Variants in LOC128462377 observed in about 807,000 individuals in gnomAD.
the LOC128462377 span, among the ~76,000 whole-genome samples, chr16:89,326,015 G>C: frequency 3.3e-5 from 5 of 152,198 alleles, no homozygotes; most frequent in African/African-American, 1.2e-4. Flanking sequence ...CAGGGAGCTT[G>C]GAGCCTGACA....
chr16:89,394,737 T>C, the LOC128462377 span, among the ~76,000 whole-genome samples: 1 of 152,210 alleles, frequency 6.6e-6, no homozygotes, highest in African/African-American at 2.4e-5. Flanking sequence ...TCGTGTTTTA[T>C]GACAAAGGCT....
the LOC128462377 span, among the ~76,000 whole-genome samples, chr16:89,366,567 C>T: frequency 1.3e-5 from 2 of 152,342 alleles, no homozygotes; most frequent in East Asian, 1.9e-4. Context: ...CCAGTTTTCA[C>T]GATCAGCTGG....
At chr16:89,375,781 A>AAG in the LOC128462377 span, among the ~76,000 whole-genome samples, 1 of 151,696 alleles carries the variant, frequency 6.6e-6, no homozygotes, top group African/African-American at 2.4e-5. Context: ...AAAAAAAAAA[A>AAG]AAAAAAAAGC....
chr16:89,401,098 G>A, the LOC128462377 span, among the ~76,000 whole-genome samples: 7 of 46,152 alleles, frequency 1.5e-4, no homozygotes, highest in Non-Finnish European at 3.6e-4. Context: ...CCCCCCACCC[G>A]CCCTCCCCCT....
At chr16:89,381,354 A>AAAAAAAAAAAAAAAAAAAAAAAGG in the LOC128462377 span, among the ~76,000 whole-genome samples, 1 of 125,344 alleles carries the variant, frequency 8.0e-6, no homozygotes, top group African/African-American at 3.3e-5. Flanking sequence ...AAAAAAAAAA[A>AAAAAAAAAAAAAAAAAAAAAAAGG]GGGGTGAGAA....
the LOC128462377 span, among the ~76,000 whole-genome samples, chr16:89,381,117 G>T: frequency 6.6e-6 from 1 of 152,266 alleles, no homozygotes; most frequent in East Asian, 1.9e-4. Context: ...GAGATCAGGA[G>T]TTTGAGACCA....
chr16:89,322,237 C>G, the LOC128462377 span, among the ~76,000 whole-genome samples: 3 of 152,370 alleles, frequency 2.0e-5, no homozygotes, highest in East Asian at 5.8e-4. Flanking sequence ...GGGTGAGTCT[C>G]TCTCCCTGAA....
chr16:89,396,763 T>C, the LOC128462377 span, among the ~76,000 whole-genome samples: 1 of 152,232 alleles, frequency 6.6e-6, no homozygotes, highest in Non-Finnish European at 1.5e-5. Context: ...CTTGGCTCAC[T>C]GCAACCTCCG....
the LOC128462377 span, among the ~76,000 whole-genome samples, chr16:89,411,877 G>A: frequency 6.6e-6 from 1 of 152,028 alleles, no homozygotes; most frequent in Non-Finnish European, 1.5e-5. Flanking sequence ...GCCTCCCAGA[G>A]TCTCCTGGCC....
chr16:89,367,263 G>A, the LOC128462377 span, among the ~76,000 whole-genome samples: 9 of 152,348 alleles, frequency 5.9e-5, no homozygotes, highest in African/African-American at 1.9e-4. Flanking sequence ...GGTGGGTAGA[G>A]CGCCGCTCCA....
the LOC128462377 span, among the ~76,000 whole-genome samples, chr16:89,347,328 G>C: frequency 6.6e-6 from 1 of 152,138 alleles, no homozygotes; most frequent in Non-Finnish European, 1.5e-5. Flanking sequence ...AGTTCCGTTC[G>C]GCCGGGCACA....
At chr16:89,346,460 A>G in the LOC128462377 span, among the ~76,000 whole-genome samples, 8 of 152,154 alleles carry the variant, frequency 5.3e-5, no homozygotes, top group African/African-American at 1.7e-4. Flanking sequence ...TAATCACGCA[A>G]TCCATTTTTC....
the LOC128462377 span, chr16:89,323,920 G>A: frequency 9.2e-6 from 2 of 217,178 alleles, no homozygotes; most frequent in East Asian, 3.0e-4. Flanking sequence ...CACATCGCGA[G>A]GTAGAATCTC....
At chr16:89,390,088 C>T in the LOC128462377 span, among the ~76,000 whole-genome samples, 1 of 50,466 alleles carries the variant, frequency 2.0e-5, no homozygotes, top group Non-Finnish European at 3.4e-5. Flanking sequence ...GCGGGGAGCA[C>T]AGACAGAGAA....
chr16:89,370,492 A>T, the LOC128462377 span, among the ~76,000 whole-genome samples: 3 of 152,136 alleles, frequency 2.0e-5, no homozygotes, highest in Admixed American at 6.5e-5. Flanking sequence ...CTTGAGGCAA[A>T]TTCCCCCAAC....
At chr16:89,378,833 C>T in the LOC128462377 span, among the ~76,000 whole-genome samples, 2 of 149,040 alleles carry the variant, frequency 1.3e-5, no homozygotes, top group Admixed American at 1.3e-4. Context: ...GTTTAAAACT[C>T]TTTTATCCAT....
the LOC128462377 span, among the ~76,000 whole-genome samples, chr16:89,333,027 C>G: frequency 6.6e-6 from 1 of 152,176 alleles, no homozygotes; most frequent in Non-Finnish European, 1.5e-5. Context: ...CGTGGTCCCC[C>G]AGAGTGACAG....
the LOC128462377 span, among the ~76,000 whole-genome samples, chr16:89,363,239 T>G: frequency 6.6e-6 from 1 of 152,134 alleles, no homozygotes; most frequent in African/African-American, 2.4e-5. Context: ...CATTTAAAAT[T>G]TTTTCCTATA....
chr16:89,336,634 T>C, the LOC128462377 span, among the ~76,000 whole-genome samples: 7 of 152,284 alleles, frequency 4.6e-5, no homozygotes, highest in East Asian at 3.9e-4. Context: ...GAAAGCCACC[T>C]GTGGGCACCA....
Sources: allele counts gnomAD v4.1 joint callset (sites outside exome capture counted in the v4.1 genomes callset), GRCh38; gene constraint gnomAD v4.1.1; transcripts MANE v1.5.